The following PCDH15 variants were observed in gnomAD, a reference collection of about 807,000 sequenced individuals.
PCDH15 encodes protocadherin related 15.
A neutral mutation model predicts 178.5 loss-of-function variants in PCDH15; 129 were observed. The ratio of observed to expected loss-of-function variants is 0.72; its 90% confidence interval spans 0.63 to 0.84. The LOEUF is 0.84. Ranked by LOEUF, PCDH15 falls within the 40% of genes least tolerant of loss-of-function variation. The probability of loss-of-function intolerance (pLI) is 0.00; values close to 1 mark genes in which losing one functional copy is unlikely to be tolerated. For missense variants in PCDH15, 2,230 were observed against 2,099.9 expected (o/e 1.06, Z -1.21); for synonymous variants, 800 against 732.0 (o/e 1.09, Z -1.50).
At chr10:54,341,425 C>A (rs2134081639) in intron 6 of PCDH15, among the ~76,000 whole-genome samples, 1 of 152,294 alleles carries the variant, frequency 6.6e-6, no homozygotes, top group East Asian at 1.9e-4. Context: ...CACCTTCTGC[C>A]ATGATTGTAA....
At chr10:54,610,262 T>G (rs553165852) in intron 2 of PCDH15, among the ~76,000 whole-genome samples, 7 of 151,874 alleles carry the variant, frequency 4.6e-5, no homozygotes, top group Non-Finnish European at 1.0e-4. Context: ...CTTGGATTTG[T>G]CCAATGGTTT....
At chr10:53,888,027 A>C (rs1393680706) in intron 26 of PCDH15, among the ~76,000 whole-genome samples, 2 of 151,652 alleles carry the variant, frequency 1.3e-5, no homozygotes, top group African/African-American at 2.4e-5. Context: ...TTTGACATCT[A>C]CTCCTTAATT....
intron 2 of PCDH15, among the ~76,000 whole-genome samples, chr10:54,916,561 T>G (rs940702360): frequency 3.3e-5 from 5 of 152,116 alleles, no homozygotes; most frequent in Admixed American, 2.0e-4. Context: ...AAGTTTCTAT[T>G]TTTTAAAGCT....
At chr10:54,396,374 T>C (rs1951225609) in intron 3 of PCDH15, among the ~76,000 whole-genome samples, 1 of 152,206 alleles carries the variant, frequency 6.6e-6, no homozygotes, top group African/African-American at 2.4e-5. Flanking sequence ...ATTCCCTTGC[T>C]GTCTTCCATG....
intron 2 of PCDH15, among the ~76,000 whole-genome samples, chr10:55,382,192 TTTTAC>T (rs1462790348): frequency 2.0e-5 from 3 of 152,140 alleles, no homozygotes; most frequent in African/African-American, 7.2e-5. Flanking sequence ...TCTGCCTTGT[TTTTAC>T]TTTATTATTT....
chr10:54,243,225 C>T (rs149857572), intron 8 of PCDH15, among the ~76,000 whole-genome samples: 192 of 152,210 alleles, frequency 1.3e-3, no homozygotes, highest in Non-Finnish European at 2.0e-3. Context: ...ATTTCTACTA[C>T]ATTTAAGGAA....
chr10:54,901,890 T>C (rs1362899837), intron 2 of PCDH15, among the ~76,000 whole-genome samples: 3 of 152,196 alleles, frequency 2.0e-5, no homozygotes, highest in African/African-American at 7.2e-5. Context: ...TGGAATGCAT[T>C]AATTTCTTCT....
intron 2 of PCDH15, among the ~76,000 whole-genome samples, chr10:55,025,707 T>G: frequency 6.6e-6 from 1 of 152,150 alleles, no homozygotes; most frequent in South Asian, 2.1e-4. Flanking sequence ...TTTTATAACT[T>G]ATTTATACTT....
At chr10:55,031,885 C>T (rs1213592451) in intron 2 of PCDH15, among the ~76,000 whole-genome samples, 1 of 152,170 alleles carries the variant, frequency 6.6e-6, no homozygotes, top group Non-Finnish European at 1.5e-5. Flanking sequence ...ATAAATTACC[C>T]AGTCTGTACA....
chr10:54,574,177 T>C (rs1214881820), intron 2 of PCDH15, among the ~76,000 whole-genome samples: 1 of 151,422 alleles, frequency 6.6e-6, no homozygotes, highest in Non-Finnish European at 1.5e-5. Context: ...TTTAAGTCTT[T>C]AATCCATCTT....
intron 1 of PCDH15, among the ~76,000 whole-genome samples, chr10:55,278,605 A>G (rs1294324073): frequency 1.3e-5 from 2 of 152,204 alleles, no homozygotes; most frequent in African/African-American, 4.8e-5. Flanking sequence ...CAACAGTAGG[A>G]TTAGCTTCAA....
chr10:55,265,407 A>G (rs983100017), intron 1 of PCDH15, among the ~76,000 whole-genome samples: 3 of 151,976 alleles, frequency 2.0e-5, no homozygotes, highest in Middle Eastern at 6.8e-3. Context: ...CAAATATTTG[A>G]AATCTCCTGG....
At chr10:54,737,455 T>G (rs1944264305) in intron 1 of PCDH15, among the ~76,000 whole-genome samples, 1 of 152,102 alleles carries the variant, frequency 6.6e-6, no homozygotes, top group Non-Finnish European at 1.5e-5. Context: ...ACAATATAGG[T>G]GAGCAATCCT....
rs566436403 is a variant in PCDH15, at chr10:55,198,399, A to G, written c.-155-31748T>C. Among the ~76,000 whole-genome samples the G allele has an allele frequency of 3.3e-5, 5 of 152,248 alleles. No homozygotes were observed. The South Asian group carries it at 1.0e-3, about 32-fold the overall frequency. On this transcript the variant is annotated intron_variant, in intron 1 of 5. Transcript: ENST00000458638. ...TTCTTGTGACAGTAAATGAATTCTT[A>G]TGAAATCTGGTTGCTTTAAAAGTGC...
At chr10:55,211,128 A>T (rs933922600) in intron 1 of PCDH15, among the ~76,000 whole-genome samples, 3 of 152,102 alleles carry the variant, frequency 2.0e-5, no homozygotes, top group Non-Finnish European at 2.9e-5. Flanking sequence ...GGTAATGAAG[A>T]TGTGATGAAG....
chr10:54,173,889 C>A (rs1264044148), intron 13 of PCDH15, among the ~76,000 whole-genome samples: 1 of 152,126 alleles, frequency 6.6e-6, no homozygotes, highest in Non-Finnish European at 1.5e-5. Flanking sequence ...AAGAGGAAAT[C>A]ATGGAAGTCT....
At chr10:53,922,876 G>A (rs112469819) in intron 25 of PCDH15, among the ~76,000 whole-genome samples, 2,352 of 151,974 alleles carry the variant, frequency 0.015, 58 homozygotes, top group African/African-American at 0.054. Context: ...TCACGAGGTC[G>A]GGAGATCGAG....
At position 53,902,553 on chromosome 10, in the gene PCDH15, A is replaced by C. The variant is rs1448082234; in HGVS notation, c.3501+690T>G. ...CTAAACTTTTTCCTCAGTAAAATTC[A>C]ATCTTTAAAATTTTTTCTTAGTAAT... On this transcript the variant is annotated intron_variant, in intron 26 of 37. Transcript: ENST00000644397. Among the ~76,000 whole-genome samples, 5 of 152,176 alleles carry C rather than the reference A, an allele frequency of 3.3e-5. No individual in the cohort carries two copies. In the East Asian group the frequency reaches 5.8e-4, roughly 18 times the overall value.
At chr10:54,082,479 C>T (rs2094449493) in intron 16 of PCDH15, among the ~76,000 whole-genome samples, 1 of 152,068 alleles carries the variant, frequency 6.6e-6, no homozygotes, top group Admixed American at 6.6e-5. Flanking sequence ...AATGCCAAGA[C>T]CATTCAAAAG....
Sources: gnomAD v4.1 joint callset for allele counts (sites outside exome capture counted in the v4.1 genomes callset) on GRCh38, gnomAD v4.1.1 for gene constraint, MANE v1.5 for transcripts, NCBI Gene and HGNC (gene_info 2026-07-23, HGNC 2026-07-21) for gene names.